The following CACNA2D3 variants were observed in gnomAD, a reference collection of about 807,000 sequenced individuals.
The protein encoded by CACNA2D3 is voltage-dependent calcium channel subunit alpha-2/delta-3.
In CACNA2D3, 60 loss-of-function variants were observed where a neutral mutation model predicts 160.6. The observed-to-expected ratio is 0.37, with a 90% confidence interval of 0.30 to 0.46. The LOEUF (loss-of-function observed/expected upper bound fraction) is 0.46, where lower values mean the gene tolerates loss of function less well. CACNA2D3 is among the 20% of genes least tolerant of loss of function. The probability of loss-of-function intolerance (pLI) is 1.00; values close to 1 mark genes in which losing one functional copy is unlikely to be tolerated. For missense variants in CACNA2D3, 1,205 were observed against 1,365.0 expected, an observed-to-expected ratio of 0.88 and a Z score of 1.85; for synonymous variants, 558 against 492.9, an observed-to-expected ratio of 1.13 and a Z score of -1.75.
chr3:54,875,989 G>T (rs1326667839), intron 18 of CACNA2D3, among the ~76,000 whole-genome samples: 1 of 152,174 alleles, frequency 6.6e-6, no homozygotes, highest in Non-Finnish European at 1.5e-5. Flanking sequence ...GCCTTTCTCT[G>T]ACTATGTGTT....
At chr3:54,913,942 C>T (rs967479364) in intron 27 of CACNA2D3, among the ~76,000 whole-genome samples, 2 of 152,116 alleles carry the variant, frequency 1.3e-5, no homozygotes, top group Non-Finnish European at 2.9e-5. Flanking sequence ...ATACATGGCA[C>T]GAAATTGGGT....
chr3:54,689,761 A>T (rs1700539179), intron 11 of CACNA2D3, among the ~76,000 whole-genome samples: 1 of 152,042 alleles, frequency 6.6e-6, no homozygotes. Flanking sequence ...GTCTGGTCAC[A>T]TGAACACTAC....
rs185628720 is a variant in CACNA2D3, at chr3:54,884,911, G to A, written c.1913-370G>A. 2.3e-3 allele frequency among the ~76,000 whole-genome samples: 345 copies of A among 152,298 alleles called. 2 individuals carry two copies. The highest frequency in any genetic ancestry group is 8.1e-3 in the African/African-American group (338 of 41,564). On this transcript the variant is annotated intron_variant, in intron 21 of 37. Transcript: ENST00000474759. Reference sequence around the variant, plus strand: ...CCTGTTGACATCACACAGGAGGTCAGTGGCCTAGCCCGGTTCCCAACTTAG... The same window carrying A: ...CCTGTTGACATCACACAGGAGGTCAATGGCCTAGCCCGGTTCCCAACTTAG...
intron 27 of CACNA2D3, among the ~76,000 whole-genome samples, chr3:54,910,435 G>C (rs1700531582): frequency 6.6e-6 from 1 of 152,180 alleles, no homozygotes; most frequent in Admixed American, 6.5e-5. Context: ...AAGGTCACCA[G>C]TAATTTCAGT....
chr3:54,594,620 A>G (rs1702918778), intron 9 of CACNA2D3, among the ~76,000 whole-genome samples: 1 of 152,206 alleles, frequency 6.6e-6, no homozygotes, highest in African/African-American at 2.4e-5. Flanking sequence ...CCAGTTAACC[A>G]ATTTCTGATT....
intron 4 of CACNA2D3, among the ~76,000 whole-genome samples, chr3:54,465,603 A>G (rs1454900922): frequency 6.6e-5 from 10 of 152,184 alleles, no homozygotes; most frequent in Admixed American, 6.5e-4. Flanking sequence ...CTGCTCACTT[A>G]TGACCACATC....
rs556636204 is a variant in CACNA2D3, at chr3:54,930,957, G to T, written c.2449+31089G>T. Among the ~76,000 whole-genome samples, 2 of 152,170 alleles carry T rather than the reference G, an allele frequency of 1.3e-5. 1 individual carries two copies. The highest frequency in any genetic ancestry group is 4.1e-4 in the South Asian group (2 of 4,824). On this transcript the variant is annotated intron_variant, in intron 27 of 37. Coordinates refer to ENST00000474759, the MANE Select transcript of CACNA2D3 (RefSeq NM_018398.3). Reference sequence around the variant, plus strand: ...ACTAAAATACAAAAATTAGCTGGGCGTGATGGTGGCCTTCTGTAATCTCAG... The same window carrying T: ...ACTAAAATACAAAAATTAGCTGGGCTTGATGGTGGCCTTCTGTAATCTCAG...
At chr3:54,575,967 G>A (rs968455063) in intron 8 of CACNA2D3, among the ~76,000 whole-genome samples, 17 of 152,146 alleles carry the variant, frequency 1.1e-4, no homozygotes, top group African/African-American at 4.1e-4. Context: ...GAGTGATGGT[G>A]AAATGAATGA....
intron 35 of CACNA2D3, among the ~76,000 whole-genome samples, chr3:55,068,534 CATTT>C (rs1288533619): frequency 1.3e-5 from 2 of 152,136 alleles, no homozygotes; most frequent in African/African-American, 4.8e-5. Context: ...TTATCCATCT[CATTT>C]ATTTTTCTTG....
intron 35 of CACNA2D3, among the ~76,000 whole-genome samples, chr3:55,072,035 G>T (rs956044433): frequency 6.6e-6 from 1 of 152,192 alleles, no homozygotes; most frequent in Non-Finnish European, 1.5e-5. Context: ...TCTTGCATAG[G>T]CAAGAAAGAG....
At chr3:54,401,566 A>C (rs749642735) in intron 4 of CACNA2D3, among the ~76,000 whole-genome samples, 5 of 152,216 alleles carry the variant, frequency 3.3e-5, no homozygotes, top group Non-Finnish European at 4.4e-5. Context: ...CTTAAGAGAA[A>C]CGTTGCAAGC....
At chr3:54,905,689 A>G (rs961089326) in intron 27 of CACNA2D3, among the ~76,000 whole-genome samples, 11 of 152,146 alleles carry the variant, frequency 7.2e-5, no homozygotes, top group Non-Finnish European at 2.9e-5. Flanking sequence ...GGTTAGGAGG[A>G]TGCTACTGGC....
At chr3:54,606,060 A>G (rs1052328942) in intron 9 of CACNA2D3, among the ~76,000 whole-genome samples, 12 of 152,196 alleles carry the variant, frequency 7.9e-5, no homozygotes, top group African/African-American at 2.9e-4. Flanking sequence ...TTGAAGGCAG[A>G]ACATAGCAAT....
At chr3:54,298,115 G>A (rs867146117) in intron 2 of CACNA2D3, among the ~76,000 whole-genome samples, 6 of 152,168 alleles carry the variant, frequency 3.9e-5, no homozygotes, top group African/African-American at 2.4e-5. Flanking sequence ...CCAAAGTGTC[G>A]CCCCAGGGAA....
intron 27 of CACNA2D3, among the ~76,000 whole-genome samples, chr3:54,910,364 C>T (rs1313326225): frequency 6.6e-6 from 1 of 152,172 alleles, no homozygotes; most frequent in Non-Finnish European, 1.5e-5. Flanking sequence ...GCTATATGCT[C>T]CTCTGCCTTG....
intron 11 of CACNA2D3, among the ~76,000 whole-genome samples, chr3:54,717,636 GGT>G (rs1303726402): frequency 7.0e-6 from 1 of 143,740 alleles, no homozygotes; most frequent in Admixed American, 7.0e-5. Flanking sequence ...ATGTGTGTGT[GGT>G]GTGTGCGTGT....
At chr3:54,867,089 T>C (rs1699418587) in intron 17 of CACNA2D3, among the ~76,000 whole-genome samples, 2 of 152,196 alleles carry the variant, frequency 1.3e-5, no homozygotes. Context: ...AGTTACAGAT[T>C]ATAGATACAC....
chr3:54,852,795 A>G (rs879541585), intron 17 of CACNA2D3, among the ~76,000 whole-genome samples: 3 of 152,238 alleles, frequency 2.0e-5, no homozygotes, highest in Admixed American at 6.5e-5. Flanking sequence ...ACATGTGAAT[A>G]TGTGTTAAAT....
chr3:54,569,940 T>G lies in CACNA2D3; in HGVS notation c.738-14T>G, dbSNP rs1275120515. 1 of 1,613,702 alleles carries G rather than the reference T, an allele frequency of 6.2e-7. No homozygotes were observed. The highest frequency in any genetic ancestry group is 2.2e-5 in the East Asian group (1 of 44,884). On this transcript the variant is annotated splice_polypyrimidine_tract_variant and intron_variant, in intron 7 of 37. Coordinates refer to ENST00000474759, the MANE Select transcript of CACNA2D3 (RefSeq NM_018398.3). ...GTCAGGATTAATTTTGACTTAATTT[T>G]TCCCTTGACCTAGGTACATCCAGGC...
Sources: gnomAD v4.1 joint callset for allele counts (sites outside exome capture counted in the v4.1 genomes callset) on GRCh38, gnomAD v4.1.1 for gene constraint, MANE v1.5 for transcripts, NCBI Gene and HGNC (gene_info 2026-07-23, HGNC 2026-07-21) for gene names.